Variants in ERC2 observed in about 807,000 individuals in gnomAD.
ERC2 encodes the protein ERC protein 2.
A neutral mutation model predicts 114.8 loss-of-function variants in ERC2; 42 were observed. The observed-to-expected ratio is 0.37, with a 90% confidence interval of 0.29 to 0.47. The LOEUF is 0.47. Ranked by LOEUF, ERC2 falls within the 20% of genes least tolerant of loss-of-function variation. The pLI is 0.99. For missense variants in ERC2, 939 were observed against 1,150.7 expected (o/e 0.82, Z 2.66); for synonymous variants, 454 against 425.5 (o/e 1.07, Z -0.82).
chr3:55,859,313 C>G (rs2061924189), intron 14 of ERC2, among the ~76,000 whole-genome samples: 1 of 152,108 alleles, frequency 6.6e-6, no homozygotes, highest in Non-Finnish European at 1.5e-5. Flanking sequence ...CCACCCACCC[C>G]TTCCCTCACC....
At position 55,805,646 on chromosome 3, in the gene ERC2, T is replaced by C. The variant is rs942735139; in HGVS notation, c.2565-70728A>G. Among the ~76,000 whole-genome samples the C allele has an allele frequency of 2.1e-5, 3 of 146,260 alleles. 1 individual carries two copies. The highest frequency in any genetic ancestry group is 1.5e-5 in the Non-Finnish European group (1 of 67,266). On this transcript the variant is annotated intron_variant, in intron 14 of 17. Coordinates refer to ENST00000288221, the MANE Select transcript of ERC2 (RefSeq NM_015576.3). ...AGGTAGGGAGGGGTGCTACCAGATG[T>C]GCTCTGAAATTATTGCTTATTCACA...
At chr3:56,362,628 T>C (rs1324917489) in intron 2 of ERC2, among the ~76,000 whole-genome samples, 1 of 152,220 alleles carries the variant, frequency 6.6e-6, no homozygotes, top group Non-Finnish European at 1.5e-5. Context: ...TGCTCCTGTT[T>C]TATGGGTGTT....
At chr3:56,313,851 T>G (rs1008509375) in intron 2 of ERC2, among the ~76,000 whole-genome samples, 8 of 152,188 alleles carry the variant, frequency 5.3e-5, no homozygotes, top group African/African-American at 1.9e-4. Flanking sequence ...AAGAAGAATC[T>G]ACTACAATTG....
chr3:56,335,378 A>AT (rs553578901), intron 2 of ERC2, among the ~76,000 whole-genome samples: 86 of 152,290 alleles, frequency 5.6e-4, no homozygotes, highest in Middle Eastern at 3.4e-3. Context: ...TTTCTCCATG[A>AT]TTTTACCAAA....
At chr3:56,033,019 GAAAAAAGAAAC>G (rs2074542985) in intron 7 of ERC2, among the ~76,000 whole-genome samples, 1 of 90,650 alleles carries the variant, frequency 1.1e-5, no homozygotes, top group Non-Finnish European at 2.3e-5. Context: ...AAGAAAGAAA[GAAAAAAGAAAC>G]AGAAAGAAAG....
chr3:56,337,427 G>C (rs540207254), intron 2 of ERC2, among the ~76,000 whole-genome samples: 34 of 152,304 alleles, frequency 2.2e-4, no homozygotes, highest in Admixed American at 1.0e-3. Flanking sequence ...GTATGTAACC[G>C]TAAGTACTCA....
intron 3 of ERC2, among the ~76,000 whole-genome samples, chr3:56,211,499 A>G (rs1394405771): frequency 6.6e-6 from 1 of 152,318 alleles, no homozygotes; most frequent in South Asian, 2.1e-4. Context: ...GGATGGGTAG[A>G]ATCAATATCA....
At chr3:55,931,583 C>T (rs2066091576) in intron 13 of ERC2, among the ~76,000 whole-genome samples, 1 of 151,994 alleles carries the variant, frequency 6.6e-6, no homozygotes, top group South Asian at 2.1e-4. Flanking sequence ...AGGGGAACAC[C>T]ACACACTGGG....
chr3:56,244,135 T>C (rs1560448571), intron 3 of ERC2, among the ~76,000 whole-genome samples: 1 of 152,130 alleles, frequency 6.6e-6, no homozygotes, highest in Non-Finnish European at 1.5e-5. Context: ...ACAATGGTGT[T>C]CCCATAAAAT....
intron 17 of ERC2, among the ~76,000 whole-genome samples, chr3:55,597,186 C>T (rs1270930339): frequency 1.3e-5 from 2 of 152,022 alleles, no homozygotes; most frequent in East Asian, 1.9e-4. Context: ...TTTGGGAGGC[C>T]GAGGTGGGCG....
At chr3:55,903,144 A>G (rs2064236714) in intron 13 of ERC2, among the ~76,000 whole-genome samples, 1 of 152,204 alleles carries the variant, frequency 6.6e-6, no homozygotes, top group South Asian at 2.1e-4. Context: ...AAATACCTGT[A>G]TCATGCTTTG....
chr3:56,437,394 G>T (rs1274390235), intron 1 of ERC2, among the ~76,000 whole-genome samples: 3 of 152,224 alleles, frequency 2.0e-5, no homozygotes, highest in Non-Finnish European at 4.4e-5. Context: ...CTTGATAAAT[G>T]CTTCTTAGTA....
chr3:56,245,974 T>C lies in ERC2; in HGVS notation c.1074+50045A>G, dbSNP rs968574490. Among the ~76,000 whole-genome samples the C allele has an allele frequency of 2.0e-5, 3 of 152,204 alleles. No individual in the cohort carries two copies. The East Asian group carries it at 5.8e-4, about 29-fold the overall frequency. On this transcript the variant is annotated intron_variant, in intron 3 of 17. Coordinates refer to ENST00000288221, the MANE Select transcript of ERC2 (RefSeq NM_015576.3). ...CAAATAAAGGGGATTTTTCATGGCT[T>C]TTTCAAGATTAGTCCACCAGCTTTT...
At chr3:56,085,513 C>G (rs1009717025) in intron 6 of ERC2, among the ~76,000 whole-genome samples, 1 of 152,174 alleles carries the variant, frequency 6.6e-6, no homozygotes, top group Non-Finnish European at 1.5e-5. Context: ...GGGATACTCA[C>G]GTCCTGGGGA....
At chr3:55,982,776 A>G (rs2070263370) in intron 12 of ERC2, among the ~76,000 whole-genome samples, 1 of 152,182 alleles carries the variant, frequency 6.6e-6, no homozygotes, top group South Asian at 2.1e-4. Flanking sequence ...GCAGGACACT[A>G]AAGGGATGCT....
chr3:56,408,126 C>T (rs1027558331), intron 2 of ERC2, among the ~76,000 whole-genome samples: 19 of 152,156 alleles, frequency 1.2e-4, no homozygotes, highest in Non-Finnish European at 1.5e-5. Flanking sequence ...TTGTGAGACT[C>T]GGGATACCTT....
chr3:55,743,585 T>C (rs1478467286), intron 14 of ERC2, among the ~76,000 whole-genome samples: 2 of 107,484 alleles, frequency 1.9e-5, no homozygotes, highest in Non-Finnish European at 3.5e-5. Flanking sequence ...ACTATGTGCC[T>C]GATCCACCAA....
intron 2 of ERC2, among the ~76,000 whole-genome samples, chr3:56,328,728 T>G (rs2057475162): frequency 6.6e-6 from 1 of 152,082 alleles, no homozygotes; most frequent in African/African-American, 2.4e-5. Flanking sequence ...GAAACTGGGA[T>G]AGAGAGAGGT....
chr3:55,802,181 A>T (rs2071113358), intron 14 of ERC2, among the ~76,000 whole-genome samples: 2 of 152,282 alleles, frequency 1.3e-5, no homozygotes, highest in Admixed American at 6.5e-5. Flanking sequence ...ACTCAATTAC[A>T]AATTTATAGA....
Sources: allele counts gnomAD v4.1 joint callset (sites outside exome capture counted in the v4.1 genomes callset), GRCh38; gene constraint gnomAD v4.1.1; transcripts MANE v1.5; gene names NCBI Gene and HGNC (gene_info 2026-07-23, HGNC 2026-07-21).